KANTR: variants seen among roughly 807,000 people sequenced by gnomAD.
KANTR encodes KDM5C adjacent transcript.
intron 2 of KANTR, among the ~76,000 whole-genome samples, chrX:53,108,692 TTCCTGTCTGAATGCC>T (rs1211643710): frequency 2.0e-5 from 2 of 98,061 alleles, no homozygotes; most frequent in East Asian, 6.9e-4. Flanking sequence ...ACTTTTTTCT[TTCCTGTCTGAATGCC>T]TTTTTTTTTT....
chrX:53,123,384 T>A (rs1556815784), intron 2 of KANTR, 85 bp from the exon 3 acceptor site: 2 of 112,178 alleles, frequency 1.8e-5, no homozygotes, highest in Non-Finnish European at 3.8e-5. Context: ...TTAAAACTTC[T>A]CATGATGATG....
chrX:53,138,453 G>GA lies in KANTR; in HGVS notation n.204-3394dup, dbSNP rs782512241. On this transcript the variant is annotated intron_variant and non_coding_transcript_variant, in intron 2 of 2. Coordinates refer to the KANTR transcript ENST00000366185. The stretch of plus-strand genomic sequence containing the variant: ...TGAGGCGGGTGGATCACCTGAGGTC[G>GA]AGAGTTCAAGACCAGCCTGACCAAC... 3.9e-3 allele frequency among the ~76,000 whole-genome samples: 417 copies of GA among 107,111 alleles called. 4 individuals carry two copies. Among genetic ancestry groups the GA allele is most frequent in the African/African-American group, 0.013 (401 of 29,867 alleles). 93.0% of individuals were successfully genotyped at this position (107,111 alleles called of 115,157 possible).
chrX:53,103,636 C>G (rs932155021), intron 2 of KANTR, among the ~76,000 whole-genome samples: 22 of 111,642 alleles, frequency 2.0e-4, no homozygotes, highest in African/African-American at 6.5e-4. Context: ...ATTTTCTATC[C>G]TACCCTCCTA....
intron 2 of KANTR, among the ~76,000 whole-genome samples, chrX:53,141,292 T>G (rs1933498596): frequency 8.9e-6 from 1 of 112,189 alleles, no homozygotes; most frequent in African/African-American, 3.2e-5. Context: ...AGGGGCTGTG[T>G]GGGGGCTGCA....
chrX:53,111,833 A>T (rs12843662), intron 2 of KANTR, among the ~76,000 whole-genome samples: 2 of 112,159 alleles, frequency 1.8e-5, no homozygotes, highest in East Asian at 5.5e-4. Context: ...ACAAAACAGA[A>T]CAACAACAAC....
exon 3 of KANTR, chrX:53,141,991 C>T: frequency 1.2e-5 from 3 of 249,589 alleles, no homozygotes; most frequent in Non-Finnish European, 1.7e-5. Flanking sequence ...ACAACTGGTT[C>T]AGGAGCCCTT....
At chrX:53,113,326 C>CAA (rs113013303) in intron 2 of KANTR, 185 of 110,312 alleles carry the variant, frequency 1.7e-3, no homozygotes, top group Admixed American at 5.3e-3. Flanking sequence ...AACACACACA[C>CAA]AAAAAAAAAC....
intron 2 of KANTR, among the ~76,000 whole-genome samples, chrX:53,107,715 A>G (rs1179694799): frequency 9.2e-6 from 1 of 109,131 alleles, no homozygotes; most frequent in Admixed American, 9.8e-5. Flanking sequence ...AAAATTTTTA[A>G]ATTAAAATAA....
At chrX:53,131,786 G>A (rs998690745), downstream of KANTR, among the ~76,000 whole-genome samples, 8 of 111,697 alleles carry the variant, frequency 7.2e-5, no homozygotes, top group Admixed American at 9.5e-5. Context: ...GTGCAGTCAG[G>A]CAAGAAAAAG....
At chrX:53,116,981 G>A (rs1385921738) in intron 2 of KANTR, among the ~76,000 whole-genome samples, 2 of 111,362 alleles carry the variant, frequency 1.8e-5, no homozygotes, top group Non-Finnish European at 3.8e-5. Flanking sequence ...ACATATATTA[G>A]ATATATGATA....
At chrX:53,116,353 A>G (rs782564697) in intron 2 of KANTR, among the ~76,000 whole-genome samples, 1 of 112,298 alleles carries the variant, frequency 8.9e-6, no homozygotes, top group Non-Finnish European at 1.9e-5. Context: ...AGGGCCTCGC[A>G]GTCAGCCAGA....
exon 3 of KANTR, chrX:53,124,936 T>G (rs1382742426): frequency 8.9e-6 from 1 of 112,122 alleles, no homozygotes; most frequent in African/African-American, 3.2e-5. Context: ...TTATCAAGTT[T>G]GTGAACTATT....
chrX:53,120,999 T>G (rs1395666310), intron 2 of KANTR, among the ~76,000 whole-genome samples: 2 of 108,780 alleles, frequency 1.8e-5, no homozygotes, highest in Non-Finnish European at 1.9e-5. Context: ...TGTTTTTTTT[T>G]GTTTGTTTTT....
chrX:53,143,330 T>G, downstream of KANTR: 1 of 692,764 alleles, frequency 1.4e-6, no homozygotes, highest in Non-Finnish European at 2.3e-6. Flanking sequence ...TGGTGAAGCT[T>G]GGTGAGGATC....
intron 2 of KANTR, among the ~76,000 whole-genome samples, chrX:53,117,473 C>T (rs1933142847): frequency 9.1e-6 from 1 of 110,254 alleles, no homozygotes; most frequent in Admixed American, 9.8e-5. Flanking sequence ...AAGTCTTGTG[C>T]TTAACATTCA....
downstream of KANTR, among the ~76,000 whole-genome samples, chrX:53,147,351 A>G (rs1418626081): frequency 9.0e-6 from 1 of 111,326 alleles, no homozygotes; most frequent in Non-Finnish European, 1.9e-5. Flanking sequence ...TAAACGAACA[A>G]AGATCAAAGG....
At chrX:53,095,415 G>A (rs1250205562) in intron 1 of KANTR, among the ~76,000 whole-genome samples, 1 of 108,443 alleles carries the variant, frequency 9.2e-6, no homozygotes, top group African/African-American at 3.4e-5. Context: ...CTATGCTTTG[G>A]TCGTTCTCAT....
intron 2 of KANTR, among the ~76,000 whole-genome samples, chrX:53,138,028 A>G (rs1355511718): frequency 9.3e-6 from 1 of 107,842 alleles, no homozygotes; most frequent in Admixed American, 9.9e-5. Flanking sequence ...TATTTTATTT[A>G]TTTCTGCCTT....
At chrX:53,115,791 T>G (rs984056301) in intron 2 of KANTR, among the ~76,000 whole-genome samples, 7 of 112,705 alleles carry the variant, frequency 6.2e-5, no homozygotes, top group Non-Finnish European at 9.4e-5. Context: ...TTTCCTACCC[T>G]CTTCAATGTA....
Sources: allele counts gnomAD v4.1 joint callset (sites outside exome capture counted in the v4.1 genomes callset), GRCh38; gene constraint gnomAD v4.1.1; transcripts MANE v1.5; gene names NCBI Gene and HGNC (gene_info 2026-07-23, HGNC 2026-07-21).